CFAP90: variants seen among roughly 807,000 people sequenced by gnomAD.
CFAP90 encodes cilia and flagella associated protein 90.
At chr5:7,833,200 C>T in the CFAP90 span, among the ~76,000 whole-genome samples, 1 of 152,034 alleles carries the variant, frequency 6.6e-6, no homozygotes, top group Non-Finnish European at 1.5e-5. Flanking sequence ...CTTCTTGGCA[C>T]AAAAAGATAG....
At chr5:7,844,910 C>T in the CFAP90 span, among the ~76,000 whole-genome samples, 1 of 152,160 alleles carries the variant, frequency 6.6e-6, no homozygotes, top group Non-Finnish European at 1.5e-5. Flanking sequence ...CAGAGATTCC[C>T]CTTTGTGCCT....
the CFAP90 span, among the ~76,000 whole-genome samples, chr5:7,842,995 C>T: frequency 6.6e-6 from 1 of 152,294 alleles, no homozygotes; most frequent in South Asian, 2.1e-4. Flanking sequence ...CCTAGCCCAC[C>T]TTGTCTAATA....
chr5:7,832,877 C>T, the CFAP90 span, among the ~76,000 whole-genome samples: 1 of 152,216 alleles, frequency 6.6e-6, no homozygotes, highest in African/African-American at 2.4e-5. Context: ...CAGTTTTCTC[C>T]TGAGGAAGAC....
the CFAP90 span, among the ~76,000 whole-genome samples, chr5:7,841,831 C>T: frequency 2.6e-5 from 4 of 152,018 alleles, no homozygotes; most frequent in Non-Finnish European, 5.9e-5. Flanking sequence ...TGTCAGAGGA[C>T]GGGACGTGGG....
At chr5:7,846,735 A>C in the CFAP90 span, among the ~76,000 whole-genome samples, 12 of 152,156 alleles carry the variant, frequency 7.9e-5, no homozygotes, top group South Asian at 1.9e-3. Context: ...GCCTGAAATT[A>C]TTCTTCTTCT....
chr5:7,850,694 C>T, the CFAP90 span, among the ~76,000 whole-genome samples: 1 of 150,688 alleles, frequency 6.6e-6, no homozygotes, highest in East Asian at 2.0e-4. Flanking sequence ...GAACCCCGCC[C>T]CTACGCCCTC....
chr5:7,835,287 A>T, the CFAP90 span: 13 of 706,294 alleles, frequency 1.8e-5, no homozygotes, highest in East Asian at 3.3e-4. Flanking sequence ...AGTATCTATG[A>T]AGCCTAATAA....
the CFAP90 span, chr5:7,832,015 C>G: frequency 6.2e-7 from 1 of 1,609,722 alleles, no homozygotes; most frequent in Non-Finnish European, 8.5e-7. Context: ...GCACTCCAAC[C>G]GGCCTCTCCT....
the CFAP90 span, among the ~76,000 whole-genome samples, chr5:7,837,583 G>A: frequency 6.6e-6 from 1 of 152,168 alleles, no homozygotes; most frequent in Admixed American, 6.5e-5. Flanking sequence ...TTGGCACTCT[G>A]GCCAGTAGTG....
chr5:7,845,412 C>T, the CFAP90 span, among the ~76,000 whole-genome samples: 1 of 152,182 alleles, frequency 6.6e-6, no homozygotes, highest in Admixed American at 6.5e-5. Context: ...CTGTCCCCAA[C>T]ATACACAGAG....
chr5:7,831,395 G>A, the CFAP90 span: 1 of 156,392 alleles, frequency 6.4e-6, no homozygotes, highest in African/African-American at 2.4e-5. Context: ...AGGGTTGTTT[G>A]TGTTCAGGCA....
At chr5:7,846,600 C>A in the CFAP90 span, among the ~76,000 whole-genome samples, 1 of 152,138 alleles carries the variant, frequency 6.6e-6, no homozygotes, top group Non-Finnish European at 1.5e-5. Flanking sequence ...AGGCCCGCCT[C>A]CTAATACTGT....
chr5:7,850,743 G>T, the CFAP90 span: 3 of 952,022 alleles, frequency 3.2e-6, no homozygotes, highest in Admixed American at 8.9e-5. Flanking sequence ...CCTTCCGCTG[G>T]GGTGATCCCT....
the CFAP90 span, among the ~76,000 whole-genome samples, chr5:7,846,363 T>C: frequency 2.6e-5 from 4 of 152,350 alleles, no homozygotes; most frequent in South Asian, 8.3e-4. Flanking sequence ...GGGTGATTTA[T>C]AAACAACAGA....
chr5:7,850,927 G>A, the CFAP90 span: 1 of 1,359,466 alleles, frequency 7.4e-7, no homozygotes, highest in Non-Finnish European at 9.5e-7. Flanking sequence ...GCGCCGCGGC[G>A]GGATGTAGCT....
chr5:7,850,798 AGCCGCCC>A, the CFAP90 span: 6 of 232,096 alleles, frequency 2.6e-5, no homozygotes, highest in African/African-American at 2.1e-4. Flanking sequence ...CCAGCCGCCC[AGCCGCCC>A]AGCCGCCCAG....
the CFAP90 span, chr5:7,830,458 A>G: frequency 6.6e-6 from 1 of 152,244 alleles, no homozygotes; most frequent in African/African-American, 2.4e-5. Flanking sequence ...TGAATAATTT[A>G]TAAATATTTC....
chr5:7,842,804 A>G, the CFAP90 span, among the ~76,000 whole-genome samples: 966 of 152,232 alleles, frequency 6.3e-3, 8 homozygotes, highest in African/African-American at 0.022. Flanking sequence ...AAAAAATCTG[A>G]TTTGTAGTAT....
the CFAP90 span, among the ~76,000 whole-genome samples, chr5:7,848,347 A>C: frequency 6.6e-6 from 1 of 152,072 alleles, no homozygotes; most frequent in African/African-American, 2.4e-5. Context: ...CTGTCCTTGC[A>C]TATTGCTCAA....
Sources: gnomAD v4.1 joint callset for allele counts (sites outside exome capture counted in the v4.1 genomes callset) on GRCh38, gnomAD v4.1.1 for gene constraint, MANE v1.5 for transcripts, NCBI Gene and HGNC (gene_info 2026-07-23, HGNC 2026-07-21) for gene names.